SV2A: variants seen among roughly 807,000 people sequenced by gnomAD.
SV2A encodes solute carrier family 22 member B1.
Under a neutral mutation model 78.0 loss-of-function variants are expected in SV2A, and 25 were observed. The ratio of observed to expected loss-of-function variants is 0.32; its 90% CI spans 0.23 to 0.45. The LOEUF (loss-of-function observed/expected upper bound fraction) is 0.45, where lower values mean the gene tolerates loss of function less well. Ranked by LOEUF, SV2A falls within the 20% of genes least tolerant of loss-of-function variation. The probability of loss-of-function intolerance (pLI) is 1.00; values close to 1 mark genes in which losing one functional copy is unlikely to be tolerated. For synonymous variants in SV2A, 355 were observed against 384.7 expected, an observed-to-expected ratio of 0.92 and a Z score of 0.90; for missense variants, 752 against 971.5, an observed-to-expected ratio of 0.77 and a Z score of 3.00.
Position 149,905,351 on chromosome 1 carries a change from C to T in SV2A, c.2046-154G>A, listed in dbSNP as rs184205314. On this transcript the variant is annotated intron_variant, in intron 12 of 12. Transcript: ENST00000369146. ...GATCAGAGAGGTAAAGGATGTACAC[C>T]AGGAATGTAAATAAATTGAGAGACA... The T allele has an allele frequency of 7.1e-5, 44 of 619,900 alleles. No homozygotes were observed. In the African/African-American group the frequency reaches 7.3e-4, roughly 10 times the overall value. The allele number at this position is 619,900 out of a possible 1,614,324, so 38.4% of individuals were successfully genotyped here.
intron 1 of SV2A, among the ~76,000 whole-genome samples, chr1:149,915,740 C>G (rs1185964540): frequency 6.6e-6 from 1 of 152,054 alleles, no homozygotes; most frequent in African/African-American, 2.4e-5. Flanking sequence ...GTTTGGGTGT[C>G]CCCCCAAAAA....
intron 2 of SV2A, 91 bp from the exon 3 acceptor site, chr1:149,912,071 G>A: frequency 7.5e-7 from 1 of 1,341,710 alleles, no homozygotes; most frequent in Non-Finnish European, 1.0e-6. Context: ...TGAAGGATCT[G>A]AAAAACTTCT....
Position 149,904,935 on chromosome 1 carries a change from G to T in SV2A, c.*79C>A. 6.8e-7 allele frequency: 1 copy of T among 1,461,678 alleles called. No individual in the cohort carries two copies. The allele number at this position is 1,461,678 out of a possible 1,614,324, so 90.5% of individuals were successfully genotyped here. ...GGGGAGTGAGGGCTCTGGAGGTCAG[G>T]ATGGCAGGGCAGGGAGGGGAAGGAA... On this transcript the variant is annotated 3_prime_UTR_variant, in exon 13 of 13. Transcript: ENST00000369146.
At position 149,913,457 on chromosome 1, in the gene SV2A, A is replaced by G; in HGVS notation, c.384T>C (p.Asp128=). ...CCCGGCCCCCAGGGGGACCCTCCCC[A>G]TCACTCAAGCCCCCCCTTACTCCAG... is the stretch of plus-strand genomic sequence containing the variant. ...PLAGVRGGLS[D]GEGPPGGRGE... The change falls in exon 2 of 13, where the codon GAT becomes GAC. Residue 128 remains aspartate (D), a synonymous_variant. Coordinates refer to ENST00000369146, the MANE Select transcript of SV2A (RefSeq NM_014849.5). 2.3e-6 allele frequency: 3 copies of G among 1,321,656 alleles called. No individual in the cohort carries two copies. Among genetic ancestry groups the G allele is most frequent in the Non-Finnish European group, 3.0e-6 (3 of 996,082 alleles). 81.9% of individuals were successfully genotyped at this position (1,321,656 alleles called of 1,614,324 possible).
intron 6 of SV2A, 104 bp downstream of exon 6, chr1:149,909,697 C>G: frequency 6.8e-7 from 1 of 1,470,146 alleles, no homozygotes; most frequent in Non-Finnish European, 9.5e-7. Flanking sequence ...TGAAAATCTC[C>G]TTACGGTAGA....
chr1:149,911,598 C>T (rs1185370715), intron 3 of SV2A, among the ~76,000 whole-genome samples: 1 of 152,128 alleles, frequency 6.6e-6, no homozygotes, highest in East Asian at 1.9e-4. Context: ...CAAGGAACAG[C>T]ATTCTGGACA....
In SV2A at chr1:149,904,748, G is replaced by A; in HGVS notation, c.*266C>T. 2.6e-6 allele frequency: 1 copy of A among 383,682 alleles called. No homozygotes were observed. The highest frequency in any genetic ancestry group is 4.7e-6 in the Non-Finnish European group (1 of 212,766). 23.8% of individuals were successfully genotyped at this position (383,682 alleles called of 1,614,324 possible). A position where few individuals can be genotyped will look rare whatever the true frequency, so the allele number is the denominator to read the frequency against. ...TCTCTAACAGGGGGAGAAGGATGGG[G>A]CTCAGCCTTCTCTTGTGCAAAGTCA... is the stretch of plus-strand genomic sequence containing the variant. On this transcript the variant is annotated 3_prime_UTR_variant, in exon 13 of 13. Transcript: ENST00000369146.
At position 149,906,017 on chromosome 1, in the gene SV2A, A is replaced by G. The variant is rs2092435534; in HGVS notation, c.1908T>C (p.Cys636=). 1 of 1,614,202 alleles carries G rather than the reference A, an allele frequency of 6.2e-7. No individual in the cohort carries two copies. The highest frequency in any genetic ancestry group is 1.1e-5 in the South Asian group (1 of 91,078). ...RMLAGSSVMS[C]VSCFFLSFGN... is the part of the protein sequence containing the mutation. ...CAAAAGACAGGAAGAAGCAGGAGAC[A>G]CAGGACATCACGCTGGAGCCAGCTG... Residue 636 remains cysteine (C), a synonymous_variant, in exon 12 of 13, where the codon TGT becomes TGC. Transcript: ENST00000369146.
At chr1:149,909,144 C>T (rs368576313) in intron 8 of SV2A, 48 bp downstream of exon 8, 4 of 1,582,968 alleles carry the variant, frequency 2.5e-6, no homozygotes, top group East Asian at 2.2e-5. Flanking sequence ...TCCCAGCCCA[C>T]ACACCACCAC....
intron 9 of SV2A, 67 bp downstream of exon 9, chr1:149,907,975 C>T: frequency 6.3e-7 from 1 of 1,589,258 alleles, no homozygotes; most frequent in Non-Finnish European, 8.6e-7. Flanking sequence ...TCTTGAACCC[C>T]TAGACTCATA....
Position 149,910,947 on chromosome 1 carries a change from G to A in SV2A, c.834C>T (p.Ser278=), listed in dbSNP as rs782424423. The change falls in exon 4 of 13, where the codon TCC becomes TCT. Residue 278 remains serine, a synonymous_variant. Coordinates refer to ENST00000369146, the MANE Select transcript of SV2A (RefSeq NM_014849.5). The surrounding 1 kb of genome is among the most constrained non-coding windows in gnomAD (Gnocchi z 4.2). ...GIGGSIPIVF[S]YFSEFLAQEK... is the part of the protein sequence containing the mutation. ...CCTGGGCCAGAAACTCGGAGAAATAGGAGAAGACAATGGGGATGGACCCTC... is the reference window on the plus strand; with the variant it reads ...CCTGGGCCAGAAACTCGGAGAAATAAGAGAAGACAATGGGGATGGACCCTC... 24 of 1,614,154 alleles carry A rather than the reference G, an allele frequency of 1.5e-5. No individual in the cohort carries two copies. The highest frequency in any genetic ancestry group is 1.9e-5 in the Non-Finnish European group (23 of 1,180,018).
chr1:149,912,974 C>T (rs1571507406), intron 2 of SV2A, among the ~76,000 whole-genome samples: 1 of 152,128 alleles, frequency 6.6e-6, no homozygotes, highest in Non-Finnish European at 1.5e-5. Flanking sequence ...ACCACCCAAC[C>T]ACTGGCCCAA....
At position 149,907,050 on chromosome 1, in the gene SV2A, C is replaced by A. The variant is rs587647522; in HGVS notation, c.1679-194G>T. 1.2e-5 allele frequency: 11 copies of A among 922,844 alleles called. No individual in the cohort carries two copies. In the South Asian group the frequency reaches 5.5e-4, roughly 46 times the overall value. 57.2% of individuals were successfully genotyped at this position (922,844 alleles called of 1,614,324 possible). On this transcript the variant is annotated intron_variant, in intron 10 of 12. Transcript: ENST00000369146. ...GATCTTTAGAGCAGAAAATGACCATCATCTGTCCAACAGTGTGACTTTGTC... is the reference window on the plus strand; with the variant it reads ...GATCTTTAGAGCAGAAAATGACCATAATCTGTCCAACAGTGTGACTTTGTC...
chr1:149,906,767 T>C lies in SV2A; in HGVS notation c.1768A>G (p.Thr590Ala), dbSNP rs1553762823. 1 of 1,614,194 alleles carries C rather than the reference T, an allele frequency of 6.2e-7. No homozygotes were observed. The highest frequency in any genetic ancestry group is 1.1e-5 in the South Asian group (1 of 91,084). The change falls in exon 11 of 13, where the codon ACG becomes GCG. Residue 590 changes from threonine (T) to alanine (A), a missense_variant. By Grantham distance (58) the Thr-to-Ala change is moderately conservative (BLOSUM62 0). Coordinates refer to ENST00000369146, the MANE Select transcript of SV2A (RefSeq NM_014849.5). Reference protein sequence around the residue: ...KEGCPLDVTGTGEGAYMVYFV... With the variant: ...KEGCPLDVTGAGEGAYMVYFV... Reference sequence around the variant, plus strand: ...TATACCATGTAGGCACCTTCGCCCGTCCCTGTCACGTCTAGCGGGCAGCCC... The same window carrying C: ...TATACCATGTAGGCACCTTCGCCCGCCCCTGTCACGTCTAGCGGGCAGCCC...
At position 149,906,324 on chromosome 1, in the gene SV2A, C is replaced by A. The variant is rs868941056; in HGVS notation, c.1886-285G>T. Among the ~76,000 whole-genome samples, 47 of 152,260 alleles carry A rather than the reference C, an allele frequency of 3.1e-4. No homozygotes were observed. In the Middle Eastern group the frequency reaches 0.014, roughly 44 times the overall value. The stretch of plus-strand genomic sequence containing the variant: ...GCACATCAACCCTATGACACAGGTA[C>A]TATTATCACCTCCATTTTGCAGAGG... On this transcript the variant is annotated intron_variant, in intron 11 of 12. Coordinates refer to ENST00000369146, the MANE Select transcript of SV2A (RefSeq NM_014849.5).
chr1:149,914,231 G>A (rs2092498149), intron 1 of SV2A, 44 bp from the exon 2 acceptor site: 1 of 187,026 alleles, frequency 5.3e-6, no homozygotes, highest in Non-Finnish European at 1.1e-5. Flanking sequence ...TGAGTCCTAA[G>A]GTGGTGAAGA....
chr1:149,908,166 G>A lies in SV2A; in HGVS notation c.1420C>T (p.His474Tyr). The A allele has an allele frequency of 6.2e-7, 1 of 1,614,186 alleles. No individual in the cohort carries two copies. Among genetic ancestry groups the A allele is most frequent in the Non-Finnish European group, 8.5e-7 (1 of 1,180,020 alleles). Residue 474 changes from histidine to tyrosine, a missense_variant, in exon 9 of 13, where the codon CAT becomes TAT. This residue lies in a region of SV2A where 81 missense variants were observed against 74.2 expected (regional missense o/e 1.09). Coordinates refer to ENST00000369146, the MANE Select transcript of SV2A (RefSeq NM_014849.5). Reference sequence around the variant, plus strand: ...GATGCGTAGTCCACTGCCTGGAGATGGCGGATCATGTCAGGAAACCAGACG... The same window carrying A: ...GATGCGTAGTCCACTGCCTGGAGATAGCGGATCATGTCAGGAAACCAGACG... ...LTVWFPDMIR[H>Y]LQAVDYASRT...
Position 149,910,543 on chromosome 1 carries a change from C to A in SV2A, c.1089+27G>T. ...CACACTCCACAGCCCGCACCCCACC[C>A]CACCCCATGCAGCTCAGCCCCATCA... On this transcript the variant is annotated intron_variant, in intron 5 of 12. Transcript: ENST00000369146. This position sits in a 1 kb window ranked among gnomAD's most constrained non-coding sequence, Gnocchi z 4.2. The A allele has an allele frequency of 6.3e-7, 1 of 1,580,868 alleles. No homozygotes were observed. The highest frequency in any genetic ancestry group is 8.6e-7 in the Non-Finnish European group (1 of 1,164,772).
intron 11 of SV2A, 36 bp downstream of exon 11, chr1:149,906,614 C>T (rs201854754): frequency 2.5e-6 from 4 of 1,610,504 alleles, no homozygotes; most frequent in East Asian, 2.2e-5. Flanking sequence ...GCCCCTGGCC[C>T]CTACTATCAG....
Sources: gnomAD v4.1 joint callset for allele counts (sites outside exome capture counted in the v4.1 genomes callset) on GRCh38, gnomAD v4.1.1 for gene constraint, gnomAD v4.1.1 regional missense constraint, Gnocchi (gnomAD v3.1) non-coding constraint, MANE v1.5 for transcripts, NCBI Gene and HGNC (gene_info 2026-07-23, HGNC 2026-07-21) for gene names.